ANKRD28: variants seen among roughly 807,000 people sequenced by gnomAD.
ANKRD28 encodes serine/threonine-protein phosphatase 6 regulatory ankyrin repeat subunit A.
Under a neutral mutation model 126.5 loss-of-function variants are expected in ANKRD28, and 44 were observed. The observed-to-expected ratio is 0.35, with a 90% CI of 0.27 to 0.45. The LOEUF (loss-of-function observed/expected upper bound fraction) is 0.45. ANKRD28 is among the 20% of genes least tolerant of loss of function. The pLI, the probability that ANKRD28 is intolerant of heterozygous loss-of-function variation, is 1.00. For missense variants in ANKRD28, 1,110 were observed against 1,316.6 expected (o/e 0.84, Z 2.43); for synonymous variants, 442 against 468.5 (o/e 0.94, Z 0.73).
intron 1 of ANKRD28, among the ~76,000 whole-genome samples, chr3:15,847,416 T>A (rs896027395): frequency 6.6e-6 from 1 of 152,206 alleles, no homozygotes; most frequent in Admixed American, 6.5e-5. Flanking sequence ...TGCTGGGCCA[T>A]GAGCTTTTTC....
chr3:15,695,829 C>T (rs185737407), intron 15 of ANKRD28, among the ~76,000 whole-genome samples: 2 of 151,952 alleles, frequency 1.3e-5, no homozygotes, highest in Non-Finnish European at 2.9e-5. Context: ...ACAAAAGACA[C>T]AGTTATAGTT....
At chr3:15,741,032 C>T (rs529549180) in intron 4 of ANKRD28, among the ~76,000 whole-genome samples, 181 of 152,228 alleles carry the variant, frequency 1.2e-3, no homozygotes, top group Non-Finnish European at 2.4e-3. Context: ...AACCCCGTCT[C>T]TACTAAATAT....
chr3:15,749,303 G>A (rs1162179200), intron 4 of ANKRD28, among the ~76,000 whole-genome samples: 1 of 150,548 alleles, frequency 6.6e-6, no homozygotes, highest in East Asian at 1.9e-4. Context: ...TAGTAGAGAC[G>A]GGGTTTCACC....
At chr3:15,858,186 A>G (rs2061815722) in intron 1 of ANKRD28, among the ~76,000 whole-genome samples, 1 of 152,248 alleles carries the variant, frequency 6.6e-6, no homozygotes, top group Non-Finnish European at 1.5e-5. Flanking sequence ...TTTAATTTCA[A>G]TTAAATTGCT....
intron 6 of ANKRD28, among the ~76,000 whole-genome samples, chr3:15,731,627 T>C (rs1021483363): frequency 2.0e-5 from 3 of 151,946 alleles, no homozygotes; most frequent in Non-Finnish European, 2.9e-5. Flanking sequence ...GCTTTAAAAA[T>C]AGGGACATTT....
In ANKRD28 at chr3:15,842,151, A is replaced by C. The variant is rs562705712; in HGVS notation, c.27+17226T>G. 1.2e-4 allele frequency among the ~76,000 whole-genome samples: 18 copies of C among 151,778 alleles called. 1 individual carries two copies. The highest frequency in any genetic ancestry group is 9.9e-4 in the Admixed American group (15 of 15,214). On this transcript the variant is annotated intron_variant, in intron 1 of 27. Coordinates refer to the ANKRD28 transcript ENST00000399451. ...AAAAACCTTGGTTATTATTCACAAC[A>C]ACCAAGATTTGGAAGCAACTTAAAT... is the stretch of plus-strand genomic sequence containing the variant.
intron 1 of ANKRD28, among the ~76,000 whole-genome samples, chr3:15,825,637 GATC>G (rs1559576987): frequency 1.3e-5 from 2 of 152,020 alleles, no homozygotes; most frequent in African/African-American, 4.8e-5. Flanking sequence ...TGATAAGAAT[GATC>G]ATACTATAAT....
chr3:15,721,205 T>A, intron 7 of ANKRD28, 78 bp from the exon 8 acceptor site: 9 of 1,204,672 alleles, frequency 7.5e-6, no homozygotes, highest in Non-Finnish European at 9.5e-6. Flanking sequence ...TAGCAACCTG[T>A]GGTTGCAATC....
chr3:15,730,699 T>A (rs2074519878), intron 6 of ANKRD28, among the ~76,000 whole-genome samples: 1 of 152,222 alleles, frequency 6.6e-6, no homozygotes, highest in South Asian at 2.1e-4. Context: ...ATATTCATCT[T>A]ATTCTGTGCT....
intron 6 of ANKRD28, among the ~76,000 whole-genome samples, chr3:15,725,466 G>T (rs2074084257): frequency 6.6e-6 from 1 of 152,062 alleles, no homozygotes; most frequent in Admixed American, 6.6e-5. Flanking sequence ...TTCTAATGCT[G>T]GCATACCATA....
intron 4 of ANKRD28, among the ~76,000 whole-genome samples, chr3:15,743,580 A>ACACACACACACGCG (rs1434803129): frequency 6.6e-6 from 1 of 150,452 alleles, no homozygotes; most frequent in African/African-American, 2.5e-5. Flanking sequence ...ACACACACAC[A>ACACACACACACGCG]CACACACACA....
intron 4 of ANKRD28, among the ~76,000 whole-genome samples, chr3:15,751,230 GCAAA>G (rs112580292): frequency 4.6e-5 from 7 of 152,212 alleles, no homozygotes; most frequent in African/African-American, 1.7e-4. Flanking sequence ...ATCTCAACAA[GCAAA>G]CAATATACAA....
At chr3:15,760,740 A>G (rs1406032254) in intron 3 of ANKRD28, among the ~76,000 whole-genome samples, 2 of 152,224 alleles carry the variant, frequency 1.3e-5, no homozygotes, top group African/African-American at 4.8e-5. Context: ...AAGGAAAACT[A>G]TTAAAGATAA....
At chr3:15,720,228 C>A (rs559470652) in intron 8 of ANKRD28, among the ~76,000 whole-genome samples, 10 of 151,382 alleles carry the variant, frequency 6.6e-5, no homozygotes, top group South Asian at 4.2e-4. Flanking sequence ...CAAAAAAAAA[C>A]CAAAAAGCAA....
chr3:15,715,984 T>C (rs1008437429), intron 8 of ANKRD28, among the ~76,000 whole-genome samples: 3 of 151,894 alleles, frequency 2.0e-5, no homozygotes, highest in Non-Finnish European at 4.4e-5. Context: ...CTATGGCCTT[T>C]TTTTTCTCTC....
intron 1 of ANKRD28, among the ~76,000 whole-genome samples, chr3:15,855,703 T>C (rs1310226938): frequency 1.3e-5 from 2 of 152,216 alleles, no homozygotes; most frequent in African/African-American, 4.8e-5. Context: ...TATGATTCCA[T>C]TTATCTGAGA....
chr3:15,798,518 T>A (rs2060376750), upstream of ANKRD28, among the ~76,000 whole-genome samples: 1 of 152,230 alleles, frequency 6.6e-6, no homozygotes, highest in East Asian at 1.9e-4. Context: ...AAGCAAAAAT[T>A]TCATAATGTA....
In ANKRD28 at chr3:15,677,045, A is replaced by G; in HGVS notation, c.2802T>C (p.Thr934=). 6.2e-7 allele frequency: 1 copy of G among 1,613,162 alleles called. No individual in the cohort carries two copies. The highest frequency in any genetic ancestry group is 8.5e-7 in the Non-Finnish European group (1 of 1,179,372). ...TCTTTTCCAGTATTAACAAGGCACT[A>G]GTTTCATGACCCTATAATTGTGGCA... ...LHLACSKGHE[T]SALLILEKIT... Residue 934 remains threonine (T), a synonymous_variant, in exon 26 of 28, where the codon ACT becomes ACC. Coordinates refer to ENST00000683139, the MANE Select transcript of ANKRD28 (RefSeq NM_001349278.2).
chr3:15,720,930 G>C lies in ANKRD28; in HGVS notation c.981C>G (p.Ala327=). 2 of 1,612,948 alleles carry C rather than the reference G, an allele frequency of 1.2e-6. No homozygotes were observed. Among genetic ancestry groups the C allele is most frequent in the South Asian group, 2.2e-5 (2 of 90,940 alleles). ...LCLELLVGNG[A]DVNMKSKDGK... Reference sequence around the variant, plus strand: ...TGTTCCTTACCTTCATATTGACATCGGCCCCATTGCCAACTAGAAGCTCTA... The same window carrying C: ...TGTTCCTTACCTTCATATTGACATCCGCCCCATTGCCAACTAGAAGCTCTA... The change falls in exon 8 of 28, where the codon GCC becomes GCG. Residue 327 remains alanine, a synonymous_variant. Transcript: ENST00000683139.
Sources: gnomAD v4.1 joint callset for allele counts (sites outside exome capture counted in the v4.1 genomes callset) on GRCh38, gnomAD v4.1.1 for gene constraint, MANE v1.5 for transcripts, NCBI Gene and HGNC (gene_info 2026-07-23, HGNC 2026-07-21) for gene names.